The following GJD2 variants were observed in gnomAD, a reference collection of about 807,000 sequenced individuals.
The protein encoded by GJD2 is gap junction protein delta 2, also known as gap junction delta-2 protein.
In GJD2, 12 loss-of-function variants were observed where a neutral mutation model predicts 24.3. That is an observed-to-expected ratio of 0.49 (90% CI 0.32 to 0.80). The LOEUF (loss-of-function observed/expected upper bound fraction) is 0.80. Among genes scored for constraint, GJD2 ranks in the 30% least tolerant of loss-of-function variants. The probability of loss-of-function intolerance (pLI) is 0.04; values close to 1 mark genes in which losing one functional copy is unlikely to be tolerated. For missense variants in GJD2, 268 were observed against 402.4 expected (o/e 0.67, Z 2.86); for synonymous variants, 171 against 155.2 (o/e 1.10, Z -0.76).
Position 34,752,391 on chromosome 15 carries a change from T to C in GJD2, c.*87A>G, listed in dbSNP as rs1891115913. 9.4e-7 allele frequency: 1 copy of C among 1,065,360 alleles called. No individual in the cohort carries two copies. Among genetic ancestry groups the C allele is most frequent in the East Asian group, 2.5e-5 (1 of 39,648 alleles). 66.0% of individuals were successfully genotyped at this position (1,065,360 alleles called of 1,614,324 possible). A position where few individuals can be genotyped will look rare whatever the true frequency, so the allele number is the denominator to read the frequency against. On this transcript the variant is annotated 3_prime_UTR_variant, in exon 2 of 2. Coordinates refer to ENST00000290374, the MANE Select transcript of GJD2 (RefSeq NM_020660.3). ...CTACATCTTAATGGTGAGGGTCACATAAATGAGGGTGGATACAGCCACGTC... is the reference window on the plus strand; with the variant it reads ...CTACATCTTAATGGTGAGGGTCACACAAATGAGGGTGGATACAGCCACGTC...
At chr15:34,753,410 G>A in intron 1 of GJD2, 38 bp from the exon 2 acceptor site, 2 of 1,546,032 alleles carry the variant, frequency 1.3e-6, no homozygotes, top group Non-Finnish European at 1.7e-6. Context: ...GGTTCTCACG[G>A]GCTGCGTCAC....
Position 34,752,506 on chromosome 15 carries a change from G to A in GJD2, c.938C>T (p.Thr313Ile). Residue 313 changes from threonine to isoleucine, a missense_variant, in exon 2 of 2, where the codon ACT (threonine) becomes ATT (isoleucine). Thr to Ile is a moderately conservative substitution (Grantham distance 89). Coordinates refer to ENST00000290374, the MANE Select transcript of GJD2 (RefSeq NM_020660.3). ...CACATAGGCAGAGTCACTGGACTGA[G>A]TCCTGCCAAAATTGGGAACACTGAC... ...PRVSVPNFGR[T>I]QSSDSAYV The A allele has an allele frequency of 1.2e-6, 2 of 1,614,114 alleles. No individual in the cohort carries two copies. The highest frequency in any genetic ancestry group is 1.7e-6 in the Non-Finnish European group (2 of 1,179,972).
chr15:34,753,253 T>A lies in GJD2; in HGVS notation c.191A>T (p.Gln64Leu). The change falls in exon 2 of 2, where the codon CAG becomes CTG. Residue 64 changes from glutamine (Q) to leucine (L), a missense_variant. Physicochemically the swap from Gln to Leu is moderately radical, Grantham distance 113. Transcript: ENST00000290374. ...GGGGAAGGCGCGGTCATAGCAGGCC[T>A]GGTTACAGCCGGGCTGCAGGGTGTT... ...VCNTLQPGCN[Q>L]ACYDRAFPIS... The A allele has an allele frequency of 6.2e-7, 1 of 1,614,174 alleles. No homozygotes were observed. Among genetic ancestry groups the A allele is most frequent in the Non-Finnish European group, 8.5e-7 (1 of 1,180,020 alleles).
Position 34,754,845 on chromosome 15 carries a change from T to TA in GJD2, c.-358_-357insT. The TA allele has an allele frequency of 9.1e-6, 2 of 218,618 alleles. No individual in the cohort carries two copies. Among genetic ancestry groups the TA allele is most frequent in the Non-Finnish European group, 1.8e-5 (2 of 110,560 alleles). 13.5% of individuals were successfully genotyped at this position (218,618 alleles called of 1,614,324 possible). A position where few individuals can be genotyped will look rare whatever the true frequency, so the allele number is the denominator to read the frequency against. On this transcript the variant is annotated 5_prime_UTR_variant, in exon 1 of 2. Transcript: ENST00000290374. This position sits in a 1 kb window ranked among gnomAD's most constrained non-coding sequence, Gnocchi z 5.9. ...AGCGCTCGCCCGCCCAGGAGAAGTC[T>TA]CAGCGCCGCTCTCCGCCGCAGGTTG...
rs1891097588 is a variant in GJD2 at position 34,751,188 on chromosome 15, A to C, written c.*1290T>G. ...AGATGTTTCTCTTGGCCAATATTTT[A>C]ACTAAATACACAGTGGATATGAAAG... On this transcript the variant is annotated 3_prime_UTR_variant, in exon 2 of 2. Transcript: ENST00000290374. 6.6e-6 allele frequency: 1 copy of C among 152,254 alleles called. No individual in the cohort carries two copies. Among genetic ancestry groups the C allele is most frequent in the South Asian group, 2.1e-4 (1 of 4,834 alleles). 9.4% of individuals were successfully genotyped at this position (152,254 alleles called of 1,614,324 possible). A position where few individuals can be genotyped will look rare whatever the true frequency, so the allele number is the denominator to read the frequency against.
rs1891114949 is a variant in GJD2 at position 34,752,331 on chromosome 15, C to A, written c.*147G>T. 2.9e-6 allele frequency: 2 copies of A among 686,684 alleles called. No individual in the cohort carries two copies. Among genetic ancestry groups the A allele is most frequent in the East Asian group, 5.5e-5 (2 of 36,658 alleles). The allele number at this position is 686,684 out of a possible 1,614,324, so 42.5% of individuals were successfully genotyped here. A position where few individuals can be genotyped will look rare whatever the true frequency, so the allele number is the denominator to read the frequency against. On this transcript the variant is annotated 3_prime_UTR_variant, in exon 2 of 2. Coordinates refer to ENST00000290374, the MANE Select transcript of GJD2 (RefSeq NM_020660.3). ...AATGGGTCCACTTTTCCTCCTTTCC[C>A]ATTGGTGCAAAATCTTCTTTTATCC...
rs147648302 is a variant in GJD2 at position 34,752,536 on chromosome 15, G to A, written c.908C>T (p.Pro303Leu). 7 of 1,613,998 alleles carry A rather than the reference G, an allele frequency of 4.3e-6. No homozygotes were observed. The highest frequency in any genetic ancestry group is 5.9e-6 in the Non-Finnish European group (7 of 1,180,004). Residue 303 changes from proline (P) to leucine (L), a missense_variant, in exon 2 of 2, where the codon CCA (proline) becomes CTA (leucine). Transcript: ENST00000290374. ...GCCAAAATTGGGAACACTGACCCTT[G>A]GCAGGTCCTTGTTACGAATCTCATA... ...SIYEIRNKDL[P>L]RVSVPNFGRT...
Position 34,754,457 on chromosome 15 carries a change from A to C in GJD2, c.32T>G (p.Leu11Arg), listed in dbSNP as rs1480780358. The change falls in exon 1 of 2, where the codon CTA becomes CGA. Residue 11 changes from leucine (L) to arginine (R), a missense_variant. By Grantham distance (102) the Leu-to-Arg change is moderately radical. Transcript: ENST00000290374. The surrounding 1 kb of genome is among the most constrained non-coding windows in gnomAD (Gnocchi z 5.9). The part of the protein sequence containing the change: MGEWTILERL[L>R]EAAVQQHSTM... ...GGAGTGCTGCTGCACCGCGGCTTCT[A>C]GCAGCCTCTCCAAGATGGTCCATTC... is the stretch of plus-strand genomic sequence containing the variant. The C allele has an allele frequency of 6.2e-7, 1 of 1,613,856 alleles. No individual in the cohort carries two copies. Among genetic ancestry groups the C allele is most frequent in the Non-Finnish European group, 8.5e-7 (1 of 1,179,910 alleles).
Position 34,752,268 on chromosome 15 carries a change from C to T in GJD2, c.*210G>A. On this transcript the variant is annotated 3_prime_UTR_variant, in exon 2 of 2. Coordinates refer to ENST00000290374, the MANE Select transcript of GJD2 (RefSeq NM_020660.3). ...TAATTGATCCATTTCATCACTCTACCCAATCGTCTCTGTAGAACCAATTAG... is the reference window on the plus strand; with the variant it reads ...TAATTGATCCATTTCATCACTCTACTCAATCGTCTCTGTAGAACCAATTAG... 1 of 580,834 alleles carries T rather than the reference C, an allele frequency of 1.7e-6. No homozygotes were observed. Among genetic ancestry groups the T allele is most frequent in the Non-Finnish European group, 3.1e-6 (1 of 326,778 alleles). 36.0% of individuals were successfully genotyped at this position (580,834 alleles called of 1,614,324 possible).
rs1891115110 is a variant in GJD2, at chr15:34,752,339, C to T, written c.*139G>A. ...CACTTTTCCTCCTTTCCCATTGGTG[C>T]AAAATCTTCTTTTATCCAGTCTTAT... On this transcript the variant is annotated 3_prime_UTR_variant, in exon 2 of 2. Coordinates refer to ENST00000290374, the MANE Select transcript of GJD2 (RefSeq NM_020660.3). 1.4e-6 allele frequency: 1 copy of T among 733,710 alleles called. No homozygotes were observed. Among genetic ancestry groups the T allele is most frequent in the Admixed American group, 2.9e-5 (1 of 34,342 alleles). The allele number at this position is 733,710 out of a possible 1,614,324, so 45.4% of individuals were successfully genotyped here.
At position 34,754,598 on chromosome 15, in the gene GJD2, T is replaced by TC; in HGVS notation, c.-111_-110insG. 3.8e-6 allele frequency: 3 copies of TC among 789,300 alleles called. No individual in the cohort carries two copies. Among genetic ancestry groups the TC allele is most frequent in the Non-Finnish European group, 6.6e-6 (3 of 452,560 alleles). 48.9% of individuals were successfully genotyped at this position (789,300 alleles called of 1,614,324 possible). On this transcript the variant is annotated 5_prime_UTR_variant, in exon 1 of 2. Transcript: ENST00000290374. This position sits in a 1 kb window ranked among gnomAD's most constrained non-coding sequence, Gnocchi z 5.9. ...AGAATGGGAGTGAATTGCCTCCCAATTAAAGAAGCAATTTTTTAAAAAATC... is the reference window on the plus strand; with the variant it reads ...AGAATGGGAGTGAATTGCCTCCCAATCTAAAGAAGCAATTTTTTAAAAAATC...
chr15:34,754,590 C>A lies in GJD2; in HGVS notation c.-102G>T, dbSNP rs1194229638. 7 of 866,276 alleles carry A rather than the reference C, an allele frequency of 8.1e-6. No individual in the cohort carries two copies. The highest frequency in any genetic ancestry group is 1.7e-5 in the African/African-American group (1 of 60,218). The allele number at this position is 866,276 out of a possible 1,614,324, so 53.7% of individuals were successfully genotyped here. A position where few individuals can be genotyped will look rare whatever the true frequency, so the allele number is the denominator to read the frequency against. On this transcript the variant is annotated 5_prime_UTR_variant, in exon 1 of 2. Transcript: ENST00000290374. The surrounding 1 kb of genome is among the most constrained non-coding windows in gnomAD (Gnocchi z 5.9). The stretch of plus-strand genomic sequence containing the variant: ...GCACTTCCAGAATGGGAGTGAATTG[C>A]CTCCCAATTAAAGAAGCAATTTTTT...
Position 34,753,017 on chromosome 15 carries a change from T to A in GJD2, c.427A>T (p.Lys143Ter), listed in dbSNP as rs535846012. 1 of 1,614,158 alleles carries A rather than the reference T, an allele frequency of 6.2e-7. No homozygotes were observed. Among genetic ancestry groups the A allele is most frequent in the Non-Finnish European group, 8.5e-7 (1 of 1,180,030 alleles). ...TTCACAATAGCATTTTGCAACTTCT[T>A]ATCTTCTCGTTTGCCCCCACCACTG... ...GGSGGGKRED[K>*]KLQNAIVNGV... The change falls in exon 2 of 2, where the codon AAG becomes TAG. Residue 143 changes from lysine (K) to a stop codon, truncating the protein, a stop_gained. Transcript: ENST00000290374. LOFTEE classifies it high-confidence loss of function.
chr15:34,753,096 C>T lies in GJD2; in HGVS notation c.348G>A (p.Leu116=). 1 of 1,614,072 alleles carries T rather than the reference C, an allele frequency of 6.2e-7. No homozygotes were observed. Among genetic ancestry groups the T allele is most frequent in the Non-Finnish European group, 8.5e-7 (1 of 1,180,036 alleles). ...ERRYSTVFLA[L]DRDPPESIGG... ...CTATGGACTCAGGGGGGTCTCTGTCCAGGGCTAGGAAGACTGTAGAGTAGC... is the reference window on the plus strand; with the variant it reads ...CTATGGACTCAGGGGGGTCTCTGTCTAGGGCTAGGAAGACTGTAGAGTAGC... Residue 116 remains leucine (L), a synonymous_variant, in exon 2 of 2, where the codon CTG becomes CTA. Transcript: ENST00000290374.
Position 34,754,280 on chromosome 15 carries a change from C to T in GJD2, c.71+138G>A. 1 of 665,420 alleles carries T rather than the reference C, an allele frequency of 1.5e-6. No individual in the cohort carries two copies. Among genetic ancestry groups the T allele is most frequent in the Non-Finnish European group, 2.7e-6 (1 of 370,386 alleles). 41.2% of individuals were successfully genotyped at this position (665,420 alleles called of 1,614,324 possible). A position where few individuals can be genotyped will look rare whatever the true frequency, so the allele number is the denominator to read the frequency against. ...GGTAATCCCTCATCGCCGGGAACACCGGAGCCTTGACCTAGGACGATGGGG... is the reference window on the plus strand; with the variant it reads ...GGTAATCCCTCATCGCCGGGAACACTGGAGCCTTGACCTAGGACGATGGGG... On this transcript the variant is annotated intron_variant, in intron 1 of 1. Coordinates refer to ENST00000290374, the MANE Select transcript of GJD2 (RefSeq NM_020660.3). The surrounding 1 kb of genome is among the most constrained non-coding windows in gnomAD (Gnocchi z 5.9).
Position 34,752,364 on chromosome 15 carries a change from T to G in GJD2, c.*114A>C, listed in dbSNP as rs926266811. 3 of 860,116 alleles carry G rather than the reference T, an allele frequency of 3.5e-6. No individual in the cohort carries two copies. Among genetic ancestry groups the G allele is most frequent in the Non-Finnish European group, 5.4e-6 (3 of 556,418 alleles). 53.3% of individuals were successfully genotyped at this position (860,116 alleles called of 1,614,324 possible). On this transcript the variant is annotated 3_prime_UTR_variant, in exon 2 of 2. Coordinates refer to ENST00000290374, the MANE Select transcript of GJD2 (RefSeq NM_020660.3). Reference sequence around the variant, plus strand: ...CAAAATCTTCTTTTATCCAGTCTTATCCTACATCTTAATGGTGAGGGTCAC... The same window carrying G: ...CAAAATCTTCTTTTATCCAGTCTTAGCCTACATCTTAATGGTGAGGGTCAC...
At position 34,753,238 on chromosome 15, in the gene GJD2, C is replaced by T. The variant is rs138295349; in HGVS notation, c.206G>A (p.Arg69His). ...QPGCNQACYD[R>H]AFPISHIRYW... ...ACGTATGTGGGAGATGGGGAAGGCG[C>T]GGTCATAGCAGGCCTGGTTACAGCC... Residue 69 changes from arginine (R) to histidine (H), a missense_variant, in exon 2 of 2, where the codon CGC (arginine) becomes CAC (histidine). Physicochemically the swap from Arg to His is conservative, Grantham distance 29. Transcript: ENST00000290374. 7 of 1,614,132 alleles carry T rather than the reference C, an allele frequency of 4.3e-6. No individual in the cohort carries two copies. The highest frequency in any genetic ancestry group is 2.2e-5 in the East Asian group (1 of 44,874).
At position 34,752,448 on chromosome 15, in the gene GJD2, A is replaced by T; in HGVS notation, c.*30T>A. ...GTCATCTGCCTTGGGGCTCCTTGCC[A>T]TCCCCCAGACCTTCATGAAACCTGC... On this transcript the variant is annotated 3_prime_UTR_variant, in exon 2 of 2. Coordinates refer to ENST00000290374, the MANE Select transcript of GJD2 (RefSeq NM_020660.3). 1.3e-6 allele frequency: 2 copies of T among 1,595,470 alleles called. No homozygotes were observed. Among genetic ancestry groups the T allele is most frequent in the Non-Finnish European group, 1.7e-6 (2 of 1,168,210 alleles).
rs2140414781 is a variant in GJD2, at chr15:34,754,086, T to C, written c.71+332A>G. On this transcript the variant is annotated intron_variant, in intron 1 of 1. Coordinates refer to ENST00000290374, the MANE Select transcript of GJD2 (RefSeq NM_020660.3). The surrounding 1 kb of genome is among the most constrained non-coding windows in gnomAD (Gnocchi z 5.9). ...TCCTGCCTTCTTTGTAGATTCTATT[T>C]AGGGAACCAAATGGAGATTGGCTCT... is the stretch of plus-strand genomic sequence containing the variant. 6.6e-6 allele frequency among the ~76,000 whole-genome samples: 1 copy of C among 152,300 alleles called. No homozygotes were observed. Among genetic ancestry groups the C allele is most frequent in the Middle Eastern group, 3.4e-3 (1 of 294 alleles).
Sources: allele counts gnomAD v4.1 joint callset (sites outside exome capture counted in the v4.1 genomes callset), GRCh38; gene constraint gnomAD v4.1.1; non-coding constraint Gnocchi (gnomAD v3.1); transcripts MANE v1.5; gene names NCBI Gene and HGNC (gene_info 2026-07-23, HGNC 2026-07-21).